The following LCORL variants were observed in gnomAD, a reference collection of about 807,000 sequenced individuals.
LCORL encodes the protein ligand-dependent nuclear receptor corepressor-like protein.
Under a neutral mutation model 141.8 loss-of-function variants are expected in LCORL, and 41 were observed. That is an observed-to-expected ratio of 0.29 (90% CI 0.23 to 0.38). The LOEUF is 0.38. Among genes scored for constraint, LCORL ranks in the 10% least tolerant of loss-of-function variants. The pLI, the probability that LCORL is intolerant of heterozygous loss-of-function variation, is 1.00. For synonymous variants in LCORL, 618 were observed against 694.1 expected (o/e 0.89, Z 1.72); for missense variants, 1,759 against 2,035.0 (o/e 0.86, Z 2.61).
intron 7 of LCORL, among the ~76,000 whole-genome samples, chr4:17,848,950 A>C (rs1723276100): frequency 6.6e-6 from 1 of 152,246 alleles, no homozygotes; most frequent in South Asian, 2.1e-4. Flanking sequence ...TCTGAGATCA[A>C]ACTGCAAGGC....
intron 4 of LCORL, among the ~76,000 whole-genome samples, chr4:17,924,770 C>T (rs1734852707): frequency 6.6e-6 from 1 of 152,168 alleles, no homozygotes; most frequent in African/African-American, 2.4e-5. Flanking sequence ...TTACCATGTT[C>T]CCCATCATCA....
intron 4 of LCORL, among the ~76,000 whole-genome samples, chr4:17,943,439 T>C (rs976496563): frequency 9.9e-5 from 15 of 152,204 alleles, no homozygotes; most frequent in African/African-American, 2.9e-4. Flanking sequence ...AAAACATTCC[T>C]TTATTCTCTC....
At chr4:17,958,593 G>A (rs1156982411) in intron 4 of LCORL, among the ~76,000 whole-genome samples, 1 of 151,860 alleles carries the variant, frequency 6.6e-6, no homozygotes, top group East Asian at 1.9e-4. Context: ...AAACAAACTG[G>A]CTGATATTCA....
chr4:17,889,004 A>G (rs530233860), intron 5 of LCORL, among the ~76,000 whole-genome samples: 2 of 152,202 alleles, frequency 1.3e-5, no homozygotes, highest in South Asian at 4.1e-4. Flanking sequence ...TAGACTTGAT[A>G]TGCTCCACTT....
At chr4:17,844,655 G>GTTGTT (rs1722751245) in exon 8 of LCORL, 1 of 147,966 alleles carries the variant, frequency 6.8e-6, no homozygotes, top group Admixed American at 6.6e-5. Context: ...CTTATGTGTT[G>GTTGTT]TTGTTTTAAA....
chr4:17,875,904 A>G (rs1267460239), exon 7 of LCORL: 1 of 1,231,268 alleles, frequency 8.1e-7, no homozygotes, highest in Non-Finnish European at 1.0e-6. Context: ...TTCTCTTTGA[A>G]AAGTATCAGT....
At chr4:18,017,321 C>T (rs1585334) in intron 1 of LCORL, among the ~76,000 whole-genome samples, 37,001 of 151,962 alleles carry the variant, frequency 0.24, 5,854 homozygotes, top group African/African-American at 0.45. Context: ...GTGGGTGAAA[C>T]TTTGATTATA....
At chr4:17,862,690 C>T (rs556675800) in intron 7 of LCORL, among the ~76,000 whole-genome samples, 4 of 152,110 alleles carry the variant, frequency 2.6e-5, no homozygotes, top group Non-Finnish European at 5.9e-5. Context: ...ATTGAAACTG[C>T]GCTCCTTCCT....
chr4:17,978,399 C>G (rs1241995085), intron 1 of LCORL, among the ~76,000 whole-genome samples: 4 of 152,040 alleles, frequency 2.6e-5, no homozygotes, highest in African/African-American at 9.7e-5. Flanking sequence ...GAGTTTGAGA[C>G]TAGCATGGCC....
At chr4:17,865,582 A>T (rs902294853) in intron 7 of LCORL, among the ~76,000 whole-genome samples, 1 of 152,266 alleles carries the variant, frequency 6.6e-6, no homozygotes, top group African/African-American at 2.4e-5. Context: ...AAAACACAGC[A>T]GAGCAAAATT....
chr4:17,898,710 C>G (rs1730385937), intron 5 of LCORL, among the ~76,000 whole-genome samples: 1 of 128,396 alleles, frequency 7.8e-6, no homozygotes, highest in Non-Finnish European at 1.6e-5. Context: ...AATAATTTAA[C>G]TAACCAGGGC....
chr4:17,906,363 TTCATCTACCA>T (rs533956811), intron 5 of LCORL, among the ~76,000 whole-genome samples: 456 of 152,294 alleles, frequency 3.0e-3, no homozygotes, highest in South Asian at 0.014. Flanking sequence ...CTTCTTTAGC[TTCATCTACCA>T]TCACTCTTCC....
At chr4:18,004,903 C>T (rs1311071963) in intron 1 of LCORL, among the ~76,000 whole-genome samples, 2 of 151,488 alleles carry the variant, frequency 1.3e-5, no homozygotes, top group Admixed American at 6.6e-5. Context: ...CATGCAAATC[C>T]GAAATCCAGC....
In LCORL at chr4:17,884,584, T is replaced by C; in HGVS notation, c.776+1484A>G. 1 of 1,540,796 alleles carries C rather than the reference T, an allele frequency of 6.5e-7. No homozygotes were observed. Among genetic ancestry groups the C allele is most frequent in the Non-Finnish European group, 8.7e-7 (1 of 1,143,680 alleles). On this transcript the variant is annotated intron_variant, in intron 6 of 7. Coordinates refer to ENST00000635767, the Ensembl canonical transcript of LCORL. The surrounding 1 kb of genome is among the most constrained non-coding windows in gnomAD (Gnocchi z 4.4). ...TAAAAGATGCAGGCTTCCCTGCTGG[T>C]AAGGCTTCTAAGTGAAGAAGTAAAG...
chr4:17,879,919 A>G (rs1318731678), intron 6 of LCORL, among the ~76,000 whole-genome samples: 2 of 151,068 alleles, frequency 1.3e-5, no homozygotes, highest in African/African-American at 4.8e-5. Flanking sequence ...AAAGCCAGGT[A>G]TGTGGTACAA....
chr4:17,852,276 C>T (rs1480915679), intron 7 of LCORL, among the ~76,000 whole-genome samples: 1 of 148,876 alleles, frequency 6.7e-6, no homozygotes, highest in Non-Finnish European at 1.5e-5. Context: ...TACAGTGGTA[C>T]TCTTGAGAGT....
rs1171800275 is a variant in LCORL at position 17,887,597 on chromosome 4, C to CCTT, written c.683-1437_683-1436insAAG. On this transcript the variant is annotated intron_variant, in intron 5 of 7. Coordinates refer to ENST00000635767, the Ensembl canonical transcript of LCORL. ...CCAGGGTATCTGAAATGAAGGAAGC[C>CCTT]AGGCCAAGAGTGAGCTGAGATCAGA... Among the ~76,000 whole-genome samples, 4 of 152,198 alleles carry CCTT rather than the reference C, an allele frequency of 2.6e-5. No individual in the cohort carries two copies. The South Asian group carries it at 6.2e-4, about 24-fold the overall frequency.
At chr4:17,848,139 C>T (rs1207685040) in intron 7 of LCORL, among the ~76,000 whole-genome samples, 2 of 151,932 alleles carry the variant, frequency 1.3e-5, no homozygotes, top group Non-Finnish European at 1.5e-5. Context: ...CACAGGTGCA[C>T]AAAACTATAC....
intron 1 of LCORL, among the ~76,000 whole-genome samples, chr4:17,975,999 C>T (rs1716885672): frequency 1.3e-5 from 2 of 151,678 alleles, no homozygotes; most frequent in South Asian, 2.1e-4. Context: ...TTTTTATGTC[C>T]CCTTTGTGAA....
Sources: allele counts gnomAD v4.1 joint callset (sites outside exome capture counted in the v4.1 genomes callset), GRCh38; gene constraint gnomAD v4.1.1; non-coding constraint Gnocchi (gnomAD v3.1); transcripts MANE v1.5; gene names NCBI Gene and HGNC (gene_info 2026-07-23, HGNC 2026-07-21).